AGXT: variants seen among roughly 807,000 people sequenced by gnomAD.
The protein encoded by AGXT is alanine--glyoxylate aminotransferase.
Under a neutral mutation model 46.9 loss-of-function variants are expected in AGXT, and 41 were observed. The observed-to-expected ratio is 0.88, with a 90% CI of 0.68 to 1.14. The LOEUF (loss-of-function observed/expected upper bound fraction) is 1.14, where lower values mean the gene tolerates loss of function less well. Ranked by LOEUF, AGXT falls within the 50% of genes most tolerant of loss-of-function variation. The probability of loss-of-function intolerance (pLI) is 0.00; values close to 1 mark genes in which losing one functional copy is unlikely to be tolerated. For synonymous variants in AGXT, 244 were observed against 227.9 expected (o/e 1.07, Z -0.64); for missense variants, 525 against 522.7 (o/e 1.00, Z -0.04).
chr2:240,875,122 T>G lies in AGXT; in HGVS notation c.694T>G (p.Ser232Ala). The G allele has an allele frequency of 6.2e-7, 1 of 1,613,006 alleles. No individual in the cohort carries two copies. Among genetic ancestry groups the G allele is most frequent in the Non-Finnish European group, 8.5e-7 (1 of 1,178,970 alleles). ...CTTTCTCCCCAGAAAGAAGATGTACTCCCGCAAGACGAAGCCCTTCTCCTT... is the reference window on the plus strand; with the variant it reads ...CTTTCTCCCCAGAAAGAAGATGTACGCCCGCAAGACGAAGCCCTTCTCCTT... The part of the protein sequence containing the change: ...FSDKAKKKMY[S>A]RKTKPFSFYL... Residue 232 changes from serine to alanine, a missense_variant, in exon 7 of 11, where the codon TCC (serine) becomes GCC (alanine). Ser to Ala is a moderately conservative substitution (Grantham distance 99, BLOSUM62 1). Transcript: ENST00000307503.
rs1211772418 is a variant in AGXT, at chr2:240,877,611, G to A, written c.921G>A (p.Leu307=). Residue 307 remains leucine, a synonymous_variant, in exon 9 of 11, where the codon CTG becomes CTA. Transcript: ENST00000307503. ...YLHGRLQALG[L]QLFVKDPALR... ...ATGGGCGCCTGCAGGCACTGGGGCT[G>A]CAGCTCTTCGTGAAGGACCCGGTAA... 6.4e-7 allele frequency: 1 copy of A among 1,550,944 alleles called. No individual in the cohort carries two copies. Among genetic ancestry groups the A allele is most frequent in the Non-Finnish European group, 8.7e-7 (1 of 1,147,012 alleles).
At chr2:240,877,434 A>T (rs1303181012) in intron 8 of AGXT, 103 bp from the exon 9 acceptor site, 2 of 1,179,390 alleles carry the variant, frequency 1.7e-6, no homozygotes, top group South Asian at 1.3e-5. Flanking sequence ...GCTCCCCTGC[A>T]CCAAGGCCTG....
rs776061925 is a variant in AGXT at position 240,869,161 on chromosome 2, C to T, written c.166-9C>T. ...AGCCTGGGTCTCACCCTATACCACC[C>T]GCATGCAGATCATGGACGAGATCAA... is the stretch of plus-strand genomic sequence containing the variant. On this transcript the variant is annotated splice_polypyrimidine_tract_variant and intron_variant, in intron 1 of 10. Transcript: ENST00000307503. 1.1e-5 allele frequency: 18 copies of T among 1,612,454 alleles called. No homozygotes were observed. In the African/African-American group the frequency reaches 1.2e-4, roughly 11 times the overall value.
At chr2:240,875,777 C>T (rs566937361) in intron 7 of AGXT, among the ~76,000 whole-genome samples, 158 bp from the exon 8 acceptor site, 3 of 152,254 alleles carry the variant, frequency 2.0e-5, no homozygotes, top group Non-Finnish European at 2.9e-5. Flanking sequence ...GCTGCCTTCC[C>T]GGTCCAAAGT....
At chr2:240,874,210 C>T in intron 6 of AGXT, 148 bp downstream of exon 6, 1 of 796,416 alleles carries the variant, frequency 1.3e-6, no homozygotes, top group Non-Finnish European at 2.0e-6. Context: ...CTCTGGGAGG[C>T]CAAAGGCACT....
intron 10 of AGXT, 143 bp downstream of exon 10, chr2:240,878,293 A>G (rs1430116473): frequency 5.7e-6 from 7 of 1,217,604 alleles, no homozygotes; most frequent in Non-Finnish European, 6.8e-6. Flanking sequence ...CCACTCTCCA[A>G]GGGGTATCCA....
At position 240,869,325 on chromosome 2, in the gene AGXT, T is replaced by C. The variant is rs776653667; in HGVS notation, c.321T>C (p.Ile107=). ...CCTTCCTGGTTGGGGCCAATGGCAT[T>C]TGGGGGCAGCGAGCCGTGGACATCG... ...GDSFLVGANG[I]WGQRAVDIGE... Residue 107 remains isoleucine, a synonymous_variant, in exon 2 of 11, where the codon ATT becomes ATC. Transcript: ENST00000307503. 7 of 1,609,628 alleles carry C rather than the reference T, an allele frequency of 4.3e-6. No homozygotes were observed. The highest frequency in any genetic ancestry group is 5.9e-6 in the Non-Finnish European group (7 of 1,177,106).
At chr2:240,877,677 G>T (rs1289681273) in intron 9 of AGXT, 45 bp downstream of exon 9, 6 of 1,537,274 alleles carry the variant, frequency 3.9e-6, no homozygotes, top group Admixed American at 2.0e-5. Flanking sequence ...CCATGGGGAA[G>T]GATGAGGGGC....
Position 240,872,323 on chromosome 2 carries a change from G to GCA in AGXT, c.525-656_525-655insCA, listed in dbSNP as rs1559569204. 2.9e-3 allele frequency among the ~76,000 whole-genome samples: 69 copies of GCA among 24,176 alleles called. 1 individual carries two copies. The highest frequency in any genetic ancestry group is 3.7e-3 in the Non-Finnish European group (35 of 9,578). 15.9% of individuals were successfully genotyped at this position (24,176 alleles called of 152,430 possible). A position where few individuals can be genotyped will look rare whatever the true frequency, so the allele number is the denominator to read the frequency against. ...GAGGAGGGTGAGAGTTCGTGAACAT[G>GCA]GAGGAGGAGGAGGGTGAGAGTTCGT... On this transcript the variant is annotated intron_variant, in intron 4 of 10. Transcript: ENST00000307503.
At position 240,879,512 on chromosome 2, in the gene AGXT, T is replaced by G. The variant is rs951947459; in HGVS notation, c.*691T>G. 6.6e-6 allele frequency: 1 copy of G among 152,496 alleles called. No homozygotes were observed. The allele number at this position is 152,496 out of a possible 1,614,324, so 9.4% of individuals were successfully genotyped here. A position where few individuals can be genotyped will look rare whatever the true frequency, so the allele number is the denominator to read the frequency against. ...ATAGATCAGCCTGGCATATTTGAAT[T>G]TATTTATTTATTTTGAAACGGAGTT... On this transcript the variant is annotated 3_prime_UTR_variant, in exon 11 of 11. Transcript: ENST00000307503.
At chr2:240,877,980 C>G in intron 9 of AGXT, 42 bp from the exon 10 acceptor site, 1 of 1,604,914 alleles carries the variant, frequency 6.2e-7, no homozygotes, top group Non-Finnish European at 8.5e-7. Context: ...AAGGCCCGTA[C>G]AGGGCCTCTC....
chr2:240,872,035 C>A (rs1005465267), intron 4 of AGXT, among the ~76,000 whole-genome samples: 1 of 152,262 alleles, frequency 6.6e-6, no homozygotes, highest in Non-Finnish European at 1.5e-5. Context: ...ATAAAGCTCA[C>A]AAACATAACC....
chr2:240,869,218 A>C lies in AGXT; in HGVS notation c.214A>C (p.Asn72His), dbSNP rs754637713. 3.6e-5 allele frequency: 58 copies of C among 1,613,758 alleles called. No individual in the cohort carries two copies. Among genetic ancestry groups the C allele is most frequent in the Non-Finnish European group, 7.6e-6 (9 of 1,180,012 alleles). ...EGIQYVFQTR[N>H]PLTLVISGSG... Reference sequence around the variant, plus strand: ...CATCCAGTACGTGTTCCAGACCAGGAACCCACTCACACTGGTCATCTCTGG... The same window carrying C: ...CATCCAGTACGTGTTCCAGACCAGGCACCCACTCACACTGGTCATCTCTGG... The change falls in exon 2 of 11, where the codon AAC (asparagine) becomes CAC (histidine). Residue 72 changes from asparagine (N) to histidine (H), a missense_variant. Transcript: ENST00000307503.
At position 240,875,126 on chromosome 2, in the gene AGXT, G is replaced by T. The variant is rs121908527; in HGVS notation, c.698G>T (p.Arg233Leu). The change falls in exon 7 of 11, where the codon CGC (arginine) becomes CTC (leucine). Residue 233 changes from arginine to leucine, a missense_variant. Arg to Leu is a moderately radical substitution (Grantham distance 102, BLOSUM62 -2). Coordinates refer to ENST00000307503, the MANE Select transcript of AGXT (RefSeq NM_000030.3). ...CTCCCCAGAAAGAAGATGTACTCCCGCAAGACGAAGCCCTTCTCCTTCTAC... is the reference window on the plus strand; with the variant it reads ...CTCCCCAGAAAGAAGATGTACTCCCTCAAGACGAAGCCCTTCTCCTTCTAC... Reference protein sequence around the residue: ...SDKAKKKMYSRKTKPFSFYLD... With the variant: ...SDKAKKKMYSLKTKPFSFYLD... 1 of 1,613,404 alleles carries T rather than the reference G, an allele frequency of 6.2e-7. No homozygotes were observed. Among genetic ancestry groups the T allele is most frequent in the Non-Finnish European group, 8.5e-7 (1 of 1,179,334 alleles).
chr2:240,875,811 T>C (rs2059021620), intron 7 of AGXT, 124 bp from the exon 8 acceptor site: 1 of 1,080,194 alleles, frequency 9.3e-7, no homozygotes, highest in Admixed American at 1.9e-5. Context: ...AGGACTCCTC[T>C]GCGGAGGATA....
chr2:240,873,154 C>A (rs576796384), intron 5 of AGXT, 105 bp downstream of exon 5: 2 of 983,014 alleles, frequency 2.0e-6, no homozygotes, highest in Non-Finnish European at 3.2e-6. Context: ...GCTGCGGATT[C>A]GGCCCCATCT....
At position 240,878,920 on chromosome 2, in the gene AGXT, G is replaced by C. The variant is rs1010626370; in HGVS notation, c.*99G>C. The C allele has an allele frequency of 1.3e-5, 17 of 1,298,196 alleles. No individual in the cohort carries two copies. The African/African-American group carries it at 2.5e-4, about 19-fold the overall frequency. The allele number at this position is 1,298,196 out of a possible 1,614,324, so 80.4% of individuals were successfully genotyped here. A position where few individuals can be genotyped will look rare whatever the true frequency, so the allele number is the denominator to read the frequency against. On this transcript the variant is annotated 3_prime_UTR_variant, in exon 11 of 11. Coordinates refer to ENST00000307503, the MANE Select transcript of AGXT (RefSeq NM_000030.3). ...GACCCTGCAAGGTCCTCCAGGCCTG[G>C]GGACAGGAAAGCCACTGACCCAGCC...
intron 7 of AGXT, 130 bp downstream of exon 7, chr2:240,875,334 C>T (rs2059018433): frequency 2.6e-6 from 2 of 771,292 alleles, no homozygotes; most frequent in African/African-American, 1.7e-5. Context: ...CAACTAGAGC[C>T]CCAGAATCCG....
At chr2:240,876,158 C>G in intron 8 of AGXT, 154 bp downstream of exon 8, 2 of 936,946 alleles carry the variant, frequency 2.1e-6, no homozygotes, top group Admixed American at 4.0e-5. Context: ...GGACAGGGCC[C>G]CGGGTACACT....
Sources: allele counts gnomAD v4.1 joint callset (sites outside exome capture counted in the v4.1 genomes callset), GRCh38; gene constraint gnomAD v4.1.1; transcripts MANE v1.5; gene names NCBI Gene and HGNC (gene_info 2026-07-23, HGNC 2026-07-21).